Variants in ZYG11B observed in about 807,000 individuals in gnomAD.
ZYG11B encodes zyg-11 family member B, cell cycle regulator.
A neutral mutation model predicts 82.4 loss-of-function variants in ZYG11B; 36 were observed. The ratio of observed to expected loss-of-function variants is 0.44; its 90% CI spans 0.33 to 0.58. The LOEUF is 0.58. Among genes scored for constraint, ZYG11B ranks in the 20% least tolerant of loss-of-function variants. The pLI, the probability that ZYG11B is intolerant of heterozygous loss-of-function variation, is 0.02. For synonymous variants in ZYG11B, 303 were observed against 312.8 expected (o/e 0.97, Z 0.33); for missense variants, 552 against 895.6 (o/e 0.62, Z 4.90).
At position 52,821,464 on chromosome 1, in the gene ZYG11B, T is replaced by G; in HGVS notation, c.2070T>G (p.Ile690Met). The change falls in exon 14 of 14, where the codon ATT becomes ATG. Residue 690 changes from isoleucine to methionine, a missense_variant. Ile to Met is a conservative substitution (Grantham distance 10). Coordinates refer to ENST00000294353, the MANE Select transcript of ZYG11B (RefSeq NM_024646.3). ...KNPSRYCSML[I>M]EEGGLQHLYN... is the part of the protein sequence containing the mutation. ...CTTCAAGGTATTGCAGCATGCTGAT[T>G]GAAGAAGGAGGATTGCAGCATTTAT... 6.3e-7 allele frequency: 1 copy of G among 1,597,506 alleles called. No homozygotes were observed. Among genetic ancestry groups the G allele is most frequent in the African/African-American group, 1.3e-5 (1 of 74,676 alleles).
intron 10 of ZYG11B, among the ~76,000 whole-genome samples, chr1:52,803,027 A>C (rs1571792636): frequency 6.9e-6 from 1 of 144,314 alleles, no homozygotes; most frequent in South Asian, 2.2e-4. Context: ...CTCAAAAAAA[A>C]CCCTACAACT....
intron 8 of ZYG11B, among the ~76,000 whole-genome samples, chr1:52,800,761 G>A: frequency 6.6e-6 from 1 of 151,944 alleles, no homozygotes; most frequent in East Asian, 1.9e-4. Flanking sequence ...AGTGAGCTGA[G>A]ATTGCGCCAC....
At chr1:52,818,401 A>G (rs1418786754) in intron 13 of ZYG11B, among the ~76,000 whole-genome samples, 1 of 151,992 alleles carries the variant, frequency 6.6e-6, no homozygotes, top group Non-Finnish European at 1.5e-5. Flanking sequence ...ATCTGAGCCC[A>G]GAAAGCAAGG....
At chr1:52,805,526 T>A (rs1189111305) in intron 10 of ZYG11B, 2 of 455,490 alleles carry the variant, frequency 4.4e-6, no homozygotes, top group Non-Finnish European at 8.8e-6. Flanking sequence ...AACGGAAAGG[T>A]GAAATTTATT....
At chr1:52,746,516 T>C (rs1330495658) in intron 1 of ZYG11B, among the ~76,000 whole-genome samples, 1 of 151,762 alleles carries the variant, frequency 6.6e-6, no homozygotes. Flanking sequence ...ATTAGGAGAG[T>C]GATAAAGGGA....
At chr1:52,762,721 A>G (rs1042562199) in intron 2 of ZYG11B, among the ~76,000 whole-genome samples, 3 of 151,728 alleles carry the variant, frequency 2.0e-5, no homozygotes, top group Non-Finnish European at 4.4e-5. Flanking sequence ...GCTGGGAGTT[A>G]CAGGTGCCCG....
At chr1:52,734,536 G>A (rs985332897) in intron 1 of ZYG11B, among the ~76,000 whole-genome samples, 3 of 151,086 alleles carry the variant, frequency 2.0e-5, no homozygotes, top group African/African-American at 7.3e-5. Context: ...TGTGATACCA[G>A]CTACTCAGAA....
rs1351198734 is a variant in ZYG11B, at chr1:52,825,917, C to T, written c.*4288C>T. On this transcript the variant is annotated 3_prime_UTR_variant, in exon 14 of 14. Transcript: ENST00000294353. ...TTATGTGCTAAATTAGGTTAATTTA[C>T]CAGAGATTTAGCTTAGTGTTTTTAA... The T allele has an allele frequency of 1.3e-5, 2 of 152,096 alleles. No individual in the cohort carries two copies. The highest frequency in any genetic ancestry group is 4.8e-5 in the African/African-American group (2 of 41,408). 9.4% of individuals were successfully genotyped at this position (152,096 alleles called of 1,614,324 possible).
intron 6 of ZYG11B, among the ~76,000 whole-genome samples, chr1:52,790,629 G>A (rs554268710): frequency 1.3e-5 from 2 of 149,254 alleles, no homozygotes; most frequent in Admixed American, 6.8e-5. Context: ...ACTGAGGCAG[G>A]AGAATCGTTT....
At chr1:52,742,907 C>T (rs1275209049) in intron 1 of ZYG11B, among the ~76,000 whole-genome samples, 1 of 151,364 alleles carries the variant, frequency 6.6e-6, no homozygotes, top group African/African-American at 2.4e-5. Context: ...AGCCCCCGCC[C>T]GGCCAGCCGC....
chr1:52,792,886 G>A (rs1216179340), intron 6 of ZYG11B, among the ~76,000 whole-genome samples: 1 of 151,992 alleles, frequency 6.6e-6, no homozygotes. Context: ...TGTTGCCCAG[G>A]CTAGAGTGCA....
chr1:52,821,577 G>A lies in ZYG11B; in HGVS notation c.2183G>A (p.Arg728His), dbSNP rs151077871. ...ILDSLEKHIV[R>H]HGRPPPCKKQ... ...GATAGCTTAGAAAAACACATTGTGC[G>A]CCATGGGAGGCCACCTCCCTGTAAA... Residue 728 changes from arginine to histidine, a missense_variant, in exon 14 of 14, where the codon CGC becomes CAC. Physicochemically the swap from Arg to His is conservative, Grantham distance 29 (BLOSUM62 0). Transcript: ENST00000294353. The A allele has an allele frequency of 9.9e-6, 16 of 1,613,934 alleles. No homozygotes were observed. The African/African-American group carries it at 1.2e-4, about 12-fold the overall frequency.
intron 1 of ZYG11B, among the ~76,000 whole-genome samples, chr1:52,731,780 A>G (rs957516753): frequency 6.6e-6 from 1 of 152,134 alleles, no homozygotes; most frequent in Non-Finnish European, 1.5e-5. Context: ...TGGGATGGTT[A>G]AGCAGCAACA....
At chr1:52,765,276 C>T (rs969759139) in intron 2 of ZYG11B, among the ~76,000 whole-genome samples, 1 of 152,044 alleles carries the variant, frequency 6.6e-6, no homozygotes, top group Non-Finnish European at 1.5e-5. Context: ...GATCATAGCT[C>T]ACTGCAGCCT....
In ZYG11B at chr1:52,821,533, G is replaced by A; in HGVS notation, c.2139G>A (p.Gln713=). 6.2e-7 allele frequency: 1 copy of A among 1,614,064 alleles called. No homozygotes were observed. Among genetic ancestry groups the A allele is most frequent in the Non-Finnish European group, 8.5e-7 (1 of 1,179,990 alleles). ...DHEHTDPHVQ[Q]IAVAILDSLE... Reference sequence around the variant, plus strand: ...AACATACTGATCCCCATGTCCAACAGATTGCTGTGGCCATTCTGGATAGCT... The same window carrying A: ...AACATACTGATCCCCATGTCCAACAAATTGCTGTGGCCATTCTGGATAGCT... The change falls in exon 14 of 14, where the codon CAG becomes CAA. Residue 713 remains glutamine (Q), a synonymous_variant. Transcript: ENST00000294353.
At chr1:52,818,794 G>GTTT (rs771697972) in intron 13 of ZYG11B, among the ~76,000 whole-genome samples, 4 of 136,944 alleles carry the variant, frequency 2.9e-5, no homozygotes, top group Admixed American at 7.4e-5. Context: ...TTTCGCTTGG[G>GTTT]TTTTTTTTTT....
intron 1 of ZYG11B, among the ~76,000 whole-genome samples, chr1:52,739,185 C>T (rs1644403562): frequency 6.6e-6 from 1 of 151,108 alleles, no homozygotes; most frequent in South Asian, 2.1e-4. Flanking sequence ...CAGAGTTTCA[C>T]CATGTTGGCC....
intron 2 of ZYG11B, among the ~76,000 whole-genome samples, chr1:52,770,747 G>A (rs955340038): frequency 1.8e-4 from 28 of 152,180 alleles, no homozygotes; most frequent in African/African-American, 6.0e-4. Context: ...TAGTTGTCTG[G>A]TAAGGTAAGA....
At chr1:52,789,026 A>G (rs1390034604) in intron 5 of ZYG11B, among the ~76,000 whole-genome samples, 1 of 152,188 alleles carries the variant, frequency 6.6e-6, no homozygotes, top group African/African-American at 2.4e-5. Flanking sequence ...TGTCTGTCCT[A>G]GCACCTTGAC....
Sources: allele counts gnomAD v4.1 joint callset (sites outside exome capture counted in the v4.1 genomes callset), GRCh38; gene constraint gnomAD v4.1.1; transcripts MANE v1.5; gene names NCBI Gene and HGNC (gene_info 2026-07-23, HGNC 2026-07-21).